Variants in MEGF10 observed in about 807,000 individuals in gnomAD.
MEGF10 encodes multiple EGF like domains 10, also known as multiple epidermal growth factor-like domains protein 10.
MEGF10 carries 86 observed loss-of-function variants against 147.5 expected under a neutral mutation model. The observed-to-expected ratio is 0.58, with a 90% CI of 0.49 to 0.70. MEGF10 has a LOEUF of 0.70. Among genes scored for constraint, MEGF10 ranks in the 30% least tolerant of loss-of-function variants. MEGF10 has a pLI of 0.00. For missense variants in MEGF10, 1,329 were observed against 1,487.3 expected (o/e 0.89, Z 1.75); for synonymous variants, 478 against 525.5 (o/e 0.91, Z 1.24).
the MEGF10 span, among the ~76,000 whole-genome samples, chr5:127,277,565 G>A: frequency 6.6e-6 from 1 of 152,150 alleles, no homozygotes. Context: ...GAGAACATGG[G>A]GGCTAGAGTA....
At chr5:127,325,644 G>A (rs549033106) in intron 1 of MEGF10, among the ~76,000 whole-genome samples, 49 of 152,046 alleles carry the variant, frequency 3.2e-4, no homozygotes, top group African/African-American at 1.1e-3. Flanking sequence ...GTGGGGCTGT[G>A]AGCTCCTTCG....
At chr5:127,440,954 T>A in intron 18 of MEGF10, 87 bp downstream of exon 18, 1 of 1,528,814 alleles carries the variant, frequency 6.5e-7, no homozygotes, top group Middle Eastern at 1.7e-4. Context: ...TAAGGCAGAA[T>A]TCACCACTCC....
At chr5:127,355,150 G>A (rs1762236445) in intron 4 of MEGF10, among the ~76,000 whole-genome samples, 1 of 152,244 alleles carries the variant, frequency 6.6e-6, no homozygotes, top group Non-Finnish European at 1.5e-5. Flanking sequence ...GGTCTGTTTA[G>A]GGGAAAGCTA....
chr5:127,434,294 A>C (rs1765483771), intron 14 of MEGF10, among the ~76,000 whole-genome samples: 1 of 152,196 alleles, frequency 6.6e-6, no homozygotes, highest in Admixed American at 6.5e-5. Flanking sequence ...ACGACTCTTA[A>C]AGAATAAAGA....
At chr5:127,231,818 C>T in the MEGF10 span, among the ~76,000 whole-genome samples, 1 of 152,104 alleles carries the variant, frequency 6.6e-6, no homozygotes, top group Non-Finnish European at 1.5e-5. Context: ...ACAGAAAGGT[C>T]GCCTCCAAAG....
At chr5:127,343,256 A>G (rs1477498435) in intron 4 of MEGF10, among the ~76,000 whole-genome samples, 1 of 152,186 alleles carries the variant, frequency 6.6e-6, no homozygotes, top group African/African-American at 2.4e-5. Flanking sequence ...TAGTTTACCT[A>G]GAAGGAAAAC....
intron 4 of MEGF10, among the ~76,000 whole-genome samples, chr5:127,348,921 C>T (rs1389746377): frequency 6.6e-6 from 1 of 152,020 alleles, no homozygotes; most frequent in Non-Finnish European, 1.5e-5. Flanking sequence ...AAGGTGAAAT[C>T]TTATGAACTC....
At chr5:127,271,304 T>C in the MEGF10 span, among the ~76,000 whole-genome samples, 1,101 of 152,342 alleles carry the variant, frequency 7.2e-3, 12 homozygotes, top group African/African-American at 0.025. Flanking sequence ...ATTTCTCTAA[T>C]GATCAGTGAT....
chr5:127,374,448 C>A (rs531042943), intron 5 of MEGF10, among the ~76,000 whole-genome samples: 1 of 152,162 alleles, frequency 6.6e-6, no homozygotes, highest in African/African-American at 2.4e-5. Flanking sequence ...TAACTGTTGA[C>A]GCATACTCCT....
chr5:127,350,388 C>A (rs186048635), intron 4 of MEGF10, among the ~76,000 whole-genome samples: 2 of 152,248 alleles, frequency 1.3e-5, no homozygotes, highest in Admixed American at 1.3e-4. Flanking sequence ...CCAAGCTTGT[C>A]TGTTAATGTC....
chr5:127,413,094 C>T (rs745647783), intron 9 of MEGF10, among the ~76,000 whole-genome samples: 9 of 152,088 alleles, frequency 5.9e-5, no homozygotes, highest in African/African-American at 1.2e-4. Flanking sequence ...CCCCACCTCT[C>T]GATGGGAGGT....
At chr5:127,338,030 A>G (rs1264821886) in intron 2 of MEGF10, among the ~76,000 whole-genome samples, 1 of 152,140 alleles carries the variant, frequency 6.6e-6, no homozygotes, top group Admixed American at 6.6e-5. Flanking sequence ...AATGACTACC[A>G]GAGACCAGCT....
rs1425239404 is a variant in MEGF10 at position 127,435,389 on chromosome 5, C to T, written c.2004C>T (p.Asn668=). 2 of 1,614,014 alleles carry T rather than the reference C, an allele frequency of 1.2e-6. No individual in the cohort carries two copies. The highest frequency in any genetic ancestry group is 4.5e-5 in the East Asian group (2 of 44,888). ...EVCPSGRFGK[N]CAGICTCTNN... The stretch of plus-strand genomic sequence containing the variant: ...GTCCCAGTGGCAGATTTGGGAAAAA[C>T]TGTGCAGGAATTTGTACCTGCACCA... The change falls in exon 16 of 25, where the codon AAC becomes AAT. Residue 668 remains asparagine (N), a synonymous_variant. Transcript: ENST00000503335.
intron 18 of MEGF10, among the ~76,000 whole-genome samples, chr5:127,441,231 A>T (rs1255840719): frequency 6.6e-6 from 1 of 152,230 alleles, no homozygotes; most frequent in Admixed American, 6.5e-5. Flanking sequence ...CGGGTCTCAC[A>T]TTGGAGGACA....
chr5:127,320,382 G>A (rs1455680336), intron 1 of MEGF10, among the ~76,000 whole-genome samples: 3 of 152,206 alleles, frequency 2.0e-5, no homozygotes, highest in Non-Finnish European at 4.4e-5. Flanking sequence ...TATGGAAAAT[G>A]ACACTCGATT....
the MEGF10 span, among the ~76,000 whole-genome samples, chr5:127,243,647 C>T: frequency 1.4e-4 from 21 of 152,012 alleles, no homozygotes; most frequent in African/African-American, 4.8e-4. Context: ...TAATCCAAAA[C>T]ATGTAAAAGG....
the MEGF10 span, among the ~76,000 whole-genome samples, chr5:127,248,698 G>C: frequency 6.6e-6 from 1 of 151,826 alleles, no homozygotes; most frequent in Non-Finnish European, 1.5e-5. Context: ...TTAAAACATG[G>C]ATAGAGCCTC....
At position 127,461,026 on chromosome 5, in the gene MEGF10, G is replaced by A. The variant is rs2127056470; in HGVS notation, c.*3708G>A. Reference sequence around the variant, plus strand: ...GGCTTCATTTTGATATGACTGAATTGCAATCTATATTTTTAAAAAGAAAAA... The same window carrying A: ...GGCTTCATTTTGATATGACTGAATTACAATCTATATTTTTAAAAAGAAAAA... On this transcript the variant is annotated 3_prime_UTR_variant, in exon 25 of 25. Coordinates refer to ENST00000503335, the MANE Select transcript of MEGF10 (RefSeq NM_001256545.2). 1 of 152,252 alleles carries A rather than the reference G, an allele frequency of 6.6e-6. No homozygotes were observed. The highest frequency in any genetic ancestry group is 2.1e-4 in the South Asian group (1 of 4,816). The allele number at this position is 152,252 out of a possible 1,614,324, so 9.4% of individuals were successfully genotyped here. A position where few individuals can be genotyped will look rare whatever the true frequency, so the allele number is the denominator to read the frequency against.
At chr5:127,363,358 G>A (rs928480309) in intron 4 of MEGF10, among the ~76,000 whole-genome samples, 1 of 152,096 alleles carries the variant, frequency 6.6e-6, no homozygotes, top group Non-Finnish European at 1.5e-5. Flanking sequence ...GTGGTTTATG[G>A]CACTTATTTA....
Sources: gnomAD v4.1 joint callset for allele counts (sites outside exome capture counted in the v4.1 genomes callset) on GRCh38, gnomAD v4.1.1 for gene constraint, MANE v1.5 for transcripts, NCBI Gene and HGNC (gene_info 2026-07-23, HGNC 2026-07-21) for gene names.